Variants in PKNOX2 observed in about 807,000 individuals in gnomAD.
The protein encoded by PKNOX2 is homeobox protein PKNOX2.
Under a neutral mutation model 53.1 loss-of-function variants are expected in PKNOX2, and 14 were observed. That is an observed-to-expected ratio of 0.26 (90% CI 0.17 to 0.41). PKNOX2 has a LOEUF of 0.41. Ranked by LOEUF, PKNOX2 falls within the 10% of genes least tolerant of loss-of-function variation. The probability of loss-of-function intolerance (pLI) is 1.00; values close to 1 mark genes in which losing one functional copy is unlikely to be tolerated. For synonymous variants in PKNOX2, 257 were observed against 242.8 expected, an observed-to-expected ratio of 1.06 and a Z score of -0.54; for missense variants, 496 against 602.8, an observed-to-expected ratio of 0.82 and a Z score of 1.85.
At chr11:125,296,320 C>A (rs111547094) in intron 2 of PKNOX2, among the ~76,000 whole-genome samples, 1 of 152,180 alleles carries the variant, frequency 6.6e-6, no homozygotes, top group Non-Finnish European at 1.5e-5. Context: ...CATAGTCTGC[C>A]GGCTCTACCC....
intron 2 of PKNOX2, among the ~76,000 whole-genome samples, chr11:125,318,229 C>T (rs1393610365): frequency 1.3e-5 from 2 of 152,044 alleles, no homozygotes; most frequent in Non-Finnish European, 2.9e-5. Context: ...GCCTCAGCCT[C>T]CTCAGTAGCT....
chr11:125,304,639 G>A (rs555143849), intron 2 of PKNOX2, among the ~76,000 whole-genome samples: 1 of 152,180 alleles, frequency 6.6e-6, no homozygotes, highest in Non-Finnish European at 1.5e-5. Flanking sequence ...TTTATATCAA[G>A]AGACTTGAAA....
intron 2 of PKNOX2, among the ~76,000 whole-genome samples, chr11:125,323,514 C>A (rs1467685339): frequency 6.6e-6 from 1 of 152,178 alleles, no homozygotes; most frequent in Non-Finnish European, 1.5e-5. Flanking sequence ...CCCCAGGGTG[C>A]AGGTCATCGG....
intron 2 of PKNOX2, among the ~76,000 whole-genome samples, chr11:125,278,184 A>G (rs551219256): frequency 1.3e-5 from 2 of 150,874 alleles, no homozygotes; most frequent in Non-Finnish European, 3.0e-5. Context: ...GCACCACTGC[A>G]TGCCCACTTG....
At chr11:125,384,856 G>C (rs1401250018) in intron 5 of PKNOX2, among the ~76,000 whole-genome samples, 1 of 152,052 alleles carries the variant, frequency 6.6e-6, no homozygotes, top group East Asian at 1.9e-4. Context: ...AAGGTCTTAG[G>C]GATATCAGGA....
chr11:125,319,544 G>T (rs1949398548), intron 2 of PKNOX2, among the ~76,000 whole-genome samples: 1 of 152,204 alleles, frequency 6.6e-6, no homozygotes, highest in African/African-American at 2.4e-5. Context: ...GTGCTACCAG[G>T]TGCTGGGGTT....
intron 2 of PKNOX2, among the ~76,000 whole-genome samples, chr11:125,254,724 C>G (rs566020123): frequency 6.6e-6 from 1 of 152,258 alleles, no homozygotes; most frequent in South Asian, 2.1e-4. Flanking sequence ...CCTGCTTGCT[C>G]TAGCCAACCT....
chr11:125,277,337 A>G (rs1346164136), intron 2 of PKNOX2, among the ~76,000 whole-genome samples: 3 of 152,218 alleles, frequency 2.0e-5, no homozygotes, highest in African/African-American at 4.8e-5. Flanking sequence ...TGGATTTTGG[A>G]GTCTCCAATG....
chr11:125,350,605 C>T (rs1485831245), intron 3 of PKNOX2, among the ~76,000 whole-genome samples: 1 of 152,176 alleles, frequency 6.6e-6, no homozygotes, highest in Non-Finnish European at 1.5e-5. Flanking sequence ...GTGGACACGC[C>T]CATAGTCACA....
chr11:125,226,871 T>C (rs1299020076), intron 1 of PKNOX2, among the ~76,000 whole-genome samples: 1 of 151,326 alleles, frequency 6.6e-6, no homozygotes, highest in East Asian at 2.0e-4. Context: ...TGTCCCATCC[T>C]CAGGAACACA....
chr11:125,201,172 T>C lies in PKNOX2; in HGVS notation c.-200-33873T>C, dbSNP rs143274603. Among the ~76,000 whole-genome samples the C allele has an allele frequency of 2.6e-3, 401 of 152,250 alleles. 1 individual carries two copies. The highest frequency in any genetic ancestry group is 9.4e-3 in the African/African-American group (391 of 41,544). On this transcript the variant is annotated intron_variant, in intron 1 of 12. Coordinates refer to ENST00000298282, the MANE Select transcript of PKNOX2 (RefSeq NM_001382323.2). ...AGCTTAGGCTGGGGCTGAACCCAGA[T>C]TGCTGCTTGGTTATGGCCATTCTAC...
At chr11:125,305,296 T>A (rs896017301) in intron 2 of PKNOX2, among the ~76,000 whole-genome samples, 6 of 152,160 alleles carry the variant, frequency 3.9e-5, no homozygotes, top group African/African-American at 1.4e-4. Context: ...CCAGGCAAAC[T>A]ATTATAGAAC....
chr11:125,405,810 TCCAGGGGTGC>T (rs1473068655), intron 7 of PKNOX2, among the ~76,000 whole-genome samples: 2 of 152,184 alleles, frequency 1.3e-5, no homozygotes, highest in East Asian at 3.9e-4. Context: ...TGGGGCCGCT[TCCAGGGGTGC>T]CCATGGAGCC....
At chr11:125,196,231 G>A (rs1310714569) in intron 1 of PKNOX2, among the ~76,000 whole-genome samples, 1 of 152,124 alleles carries the variant, frequency 6.6e-6, no homozygotes. Context: ...GTGTATTCCC[G>A]TGGCACCCGA....
chr11:125,295,527 C>T (rs1461756129), intron 2 of PKNOX2, among the ~76,000 whole-genome samples: 7 of 152,166 alleles, frequency 4.6e-5, no homozygotes, highest in Admixed American at 4.6e-4. Context: ...TCAGGAGCGG[C>T]CTTTGCTGGA....
At chr11:125,419,283 G>A (rs1005445813) in intron 10 of PKNOX2, among the ~76,000 whole-genome samples, 3 of 151,734 alleles carry the variant, frequency 2.0e-5, no homozygotes, top group Admixed American at 1.3e-4. Context: ...AATAGAATAA[G>A]CGGATGGGCG....
intron 10 of PKNOX2, 82 bp downstream of exon 10, chr11:125,411,947 G>A (rs988090423): frequency 4.0e-5 from 63 of 1,588,716 alleles, no homozygotes; most frequent in Middle Eastern, 1.7e-4. Context: ...CTCTGCTGTC[G>A]GCTCCAAACC....
intron 1 of PKNOX2, among the ~76,000 whole-genome samples, chr11:125,188,667 C>G (rs1382339518): frequency 6.6e-6 from 1 of 152,092 alleles, no homozygotes; most frequent in Non-Finnish European, 1.5e-5. Flanking sequence ...GTGCTGTTAA[C>G]TCGGTGGTAA....
intron 12 of PKNOX2, 107 bp downstream of exon 12, chr11:125,430,248 C>T (rs1251914547): frequency 3.1e-6 from 4 of 1,282,996 alleles, no homozygotes; most frequent in Non-Finnish European, 4.2e-6. Flanking sequence ...TACCTGGGCT[C>T]CCATCGCTGC....
Sources: gnomAD v4.1 joint callset for allele counts (sites outside exome capture counted in the v4.1 genomes callset) on GRCh38, gnomAD v4.1.1 for gene constraint, MANE v1.5 for transcripts, NCBI Gene and HGNC (gene_info 2026-07-23, HGNC 2026-07-21) for gene names.